The following LHPP variants were observed in gnomAD, a reference collection of about 807,000 sequenced individuals.
The protein encoded by LHPP is phospholysine phosphohistidine inorganic pyrophosphate phosphatase.
In LHPP, 24 loss-of-function variants were observed where a neutral mutation model predicts 30.3. The ratio of observed to expected loss-of-function variants is 0.79; its 90% CI spans 0.57 to 1.11. The LOEUF (loss-of-function observed/expected upper bound fraction) is 1.11, where lower values mean the gene tolerates loss of function less well. Among genes scored for constraint, LHPP ranks in the 50% most tolerant of loss-of-function variants. LHPP has a pLI of 0.00. For missense variants in LHPP, 356 were observed against 367.2 expected (o/e 0.97, Z 0.25); for synonymous variants, 150 against 157.1 (o/e 0.95, Z 0.34).
chr10:124,462,230 T>TG (rs1001439702), intron 1 of LHPP, among the ~76,000 whole-genome samples: 2 of 152,188 alleles, frequency 1.3e-5, no homozygotes, highest in African/African-American at 4.8e-5. Context: ...ACCTGGTACG[T>TG]GCGCTGCTGA....
chr10:124,555,327 G>A lies in LHPP; in HGVS notation c.716+38056G>A, dbSNP rs575789700. Among the ~76,000 whole-genome samples, 7 of 152,310 alleles carry A rather than the reference G, an allele frequency of 4.6e-5. No homozygotes were observed. In the South Asian group the frequency reaches 1.4e-3, roughly 32 times the overall value. On this transcript the variant is annotated intron_variant, in intron 6 of 6. Transcript: ENST00000368842. The stretch of plus-strand genomic sequence containing the variant: ...AGGGCGAGTGAGCACTGTAGTCTGG[G>A]AGACCCTAGAGTGAGATGGGGGCTC...
intron 6 of LHPP, among the ~76,000 whole-genome samples, chr10:124,527,753 T>A (rs552543740): frequency 2.5e-4 from 38 of 150,288 alleles, no homozygotes; most frequent in African/African-American, 8.1e-4. Context: ...CATGTAACCT[T>A]GGACGTGATC....
chr10:124,486,630 G>A (rs972624151), intron 2 of LHPP, among the ~76,000 whole-genome samples: 1 of 152,232 alleles, frequency 6.6e-6, no homozygotes, highest in Non-Finnish European at 1.5e-5. Context: ...GGGAAGCATT[G>A]GCCACCAGGG....
In LHPP at chr10:124,517,547, C is replaced by T. The variant is rs1024491195; in HGVS notation, c.716+276C>T. 4.6e-5 allele frequency among the ~76,000 whole-genome samples: 7 copies of T among 152,118 alleles called. No individual in the cohort carries two copies. Among genetic ancestry groups the T allele is most frequent in the Admixed American group, 1.3e-4 (2 of 15,272 alleles). ...TAAGCAAAGGCACTATCCATCCTGG[C>T]GGCGGCCCACCAGGGAGTTGGGCCG... On this transcript the variant is annotated intron_variant, in intron 6 of 6. Transcript: ENST00000368842. This position sits in a 1 kb window ranked among gnomAD's most constrained non-coding sequence, Gnocchi z 4.1.
chr10:124,506,900 G>A (rs187832559), intron 5 of LHPP, among the ~76,000 whole-genome samples: 4 of 33,840 alleles, frequency 1.2e-4, no homozygotes, highest in Admixed American at 2.8e-4. Context: ...TGGGGGGTAG[G>A]GAGGATTTCA....
chr10:124,473,534 A>C (rs1463947784), intron 1 of LHPP, among the ~76,000 whole-genome samples: 2 of 152,140 alleles, frequency 1.3e-5, no homozygotes, highest in African/African-American at 2.4e-5. Context: ...CATAGTTGCC[A>C]TGTGGCCTCA....
intron 2 of LHPP, among the ~76,000 whole-genome samples, chr10:124,486,767 A>C (rs922994422): frequency 6.6e-6 from 1 of 152,202 alleles, no homozygotes; most frequent in African/African-American, 2.4e-5. Flanking sequence ...GGCCGCAGGG[A>C]TACAGAAACA....
At chr10:124,582,798 A>T (rs1278878718) in intron 6 of LHPP, among the ~76,000 whole-genome samples, 2 of 151,954 alleles carry the variant, frequency 1.3e-5, no homozygotes, top group Non-Finnish European at 1.5e-5. Flanking sequence ...TGAGCTCAGG[A>T]GTTCAAGACC....
intron 6 of LHPP, among the ~76,000 whole-genome samples, chr10:124,557,719 T>C (rs1011166394): frequency 6.6e-6 from 1 of 152,016 alleles, no homozygotes; most frequent in Admixed American, 6.5e-5. Flanking sequence ...TGCAGGGCCA[T>C]TGGTGGAGTC....
intron 6 of LHPP, chr10:124,613,047 G>A (rs1253325645): frequency 8.5e-6 from 5 of 586,308 alleles, no homozygotes; most frequent in Non-Finnish European, 1.2e-5. Flanking sequence ...GGTTTGGGGA[G>A]GTGTCCAGGT....
At chr10:124,497,187 G>GGGCCCTCA (rs1293248444) in intron 4 of LHPP, among the ~76,000 whole-genome samples, 163 bp downstream of exon 4, 6 of 151,788 alleles carry the variant, frequency 4.0e-5, no homozygotes, top group Non-Finnish European at 5.9e-5. Context: ...CCGGGCCCTC[G>GGGCCCTCA]GGCCCTCAGG....
intron 3 of LHPP, among the ~76,000 whole-genome samples, chr10:124,495,957 C>A (rs575991891): frequency 3.2e-4 from 49 of 152,302 alleles, no homozygotes; most frequent in Admixed American, 5.2e-4. Context: ...CGTTAGAAGG[C>A]AGTGAGATCT....
chr10:124,605,851 G>GGGGGAA (rs1345778562), intron 6 of LHPP, among the ~76,000 whole-genome samples: 1 of 151,848 alleles, frequency 6.6e-6, no homozygotes, highest in Non-Finnish European at 1.5e-5. Context: ...TGGAGGGGGA[G>GGGGGAA]GGGGAAGGGG....
intron 3 of LHPP, chr10:124,489,859 G>A (rs374748019): frequency 4.6e-4 from 95 of 207,746 alleles, no homozygotes; most frequent in African/African-American, 2.1e-3. Context: ...GACCAAATAC[G>A]CCTGTAAACT....
At chr10:124,463,081 C>A (rs920095952) in intron 1 of LHPP, among the ~76,000 whole-genome samples, 3 of 152,232 alleles carry the variant, frequency 2.0e-5, no homozygotes, top group Non-Finnish European at 2.9e-5. Flanking sequence ...GTTGGGCAGG[C>A]TGGTCTCTAA....
At chr10:124,515,769 G>A (rs1018505046) in intron 5 of LHPP, among the ~76,000 whole-genome samples, 3 of 152,222 alleles carry the variant, frequency 2.0e-5, no homozygotes, top group Non-Finnish European at 2.9e-5. Context: ...CCTGTGCATC[G>A]TGAGTGAGCT....
At chr10:124,525,909 G>A (rs59072206) in intron 6 of LHPP, among the ~76,000 whole-genome samples, 3,068 of 152,320 alleles carry the variant, frequency 0.02, 95 homozygotes, top group African/African-American at 0.069. Flanking sequence ...AAAACCGGTG[G>A]GCTGAGGGCT....
intron 1 of LHPP, among the ~76,000 whole-genome samples, chr10:124,472,847 T>A (rs1241640909): frequency 6.6e-6 from 1 of 152,302 alleles, no homozygotes; most frequent in Admixed American, 6.5e-5. Context: ...CGTGAGCCAC[T>A]GCGCCCAGCC....
Position 124,562,493 on chromosome 10 carries a change from A to G in LHPP, c.716+45222A>G, listed in dbSNP as rs1468712119. Among the ~76,000 whole-genome samples, 6 of 152,372 alleles carry G rather than the reference A, an allele frequency of 3.9e-5. No homozygotes were observed. In the South Asian group the frequency reaches 8.3e-4, roughly 21 times the overall value. On this transcript the variant is annotated intron_variant, in intron 6 of 6. Transcript: ENST00000368842. ...AAAATAGAGATGACCCAATCAGAAC[A>G]GAGAAAAAATAGACTGAAAAGAATG...
Sources: allele counts gnomAD v4.1 joint callset (sites outside exome capture counted in the v4.1 genomes callset), GRCh38; gene constraint gnomAD v4.1.1; non-coding constraint Gnocchi (gnomAD v3.1); transcripts MANE v1.5; gene names NCBI Gene and HGNC (gene_info 2026-07-23, HGNC 2026-07-21).